RAPH1: variants seen among roughly 807,000 people sequenced by gnomAD.
RAPH1 encodes the protein ras-associated and pleckstrin homology domains-containing protein 1.
Under a neutral mutation model 88.1 loss-of-function variants are expected in RAPH1, and 18 were observed. That is an observed-to-expected ratio of 0.20 (90% CI 0.14 to 0.30). The LOEUF (loss-of-function observed/expected upper bound fraction) is 0.30, where lower values mean the gene tolerates loss of function less well. Ranked by LOEUF, RAPH1 falls within the 10% of genes least tolerant of loss-of-function variation. RAPH1 has a pLI of 1.00. For synonymous variants in RAPH1, 587 were observed against 559.0 expected (o/e 1.05, Z -0.71); for missense variants, 1,448 against 1,543.2 (o/e 0.94, Z 1.03).
At chr2:203,502,142 T>C (rs1688764861) in intron 1 of RAPH1, among the ~76,000 whole-genome samples, 1 of 152,206 alleles carries the variant, frequency 6.6e-6, no homozygotes, top group Non-Finnish European at 1.5e-5. Flanking sequence ...CTGAATTAAC[T>C]AGCTACCAGG....
chr2:203,477,046 G>C, intron 4 of RAPH1: 1 of 1,500,606 alleles, frequency 6.7e-7, no homozygotes, highest in Non-Finnish European at 9.3e-7. Context: ...TCTTCATTAA[G>C]TCATGCCATG....
In RAPH1 at chr2:203,439,412, T is replaced by G; in HGVS notation, c.*25A>C. On this transcript the variant is annotated 3_prime_UTR_variant, in exon 14 of 14. Transcript: ENST00000319170. Reference sequence around the variant, plus strand: ...CTGATTGTAGCAGTGATTACAGATATCATGAAAATAAAGTCCTATGGTGGC... The same window carrying G: ...CTGATTGTAGCAGTGATTACAGATAGCATGAAAATAAAGTCCTATGGTGGC... 6.2e-7 allele frequency: 1 copy of G among 1,601,216 alleles called. No individual in the cohort carries two copies. Among genetic ancestry groups the G allele is most frequent in the South Asian group, 1.1e-5 (1 of 90,328 alleles).
At position 203,440,907 on chromosome 2, in the gene RAPH1, TG is replaced by T; in HGVS notation, c.2282del (p.Pro761GlnfsTer23). On this transcript the variant is annotated frameshift_variant, in exon 14 of 14. Coordinates refer to ENST00000319170, the MANE Select transcript of RAPH1 (RefSeq NM_213589.3). LOFTEE classifies it low-confidence loss of function (END_TRUNC). Reference protein sequence around the residue: ...QVQHITQVAPPTPPPPPPIPA... With the variant: ...QVQHITQVAPXTPPPPPPIPA... ...GGATAGGAGGAGGTGGGGGGGGTGT[TG>T]GGGGAGCCACCTGAGTAATATGCTG... is the stretch of plus-strand genomic sequence containing the variant. The T allele has an allele frequency of 1.1e-5, 6 of 553,950 alleles. No homozygotes were observed. Among genetic ancestry groups the T allele is most frequent in the Non-Finnish European group, 1.5e-5 (6 of 387,362 alleles). The allele number at this position is 553,950 out of a possible 1,614,324, so 34.3% of individuals were successfully genotyped here.
At chr2:203,463,577 T>C (rs1403634542) in intron 4 of RAPH1, among the ~76,000 whole-genome samples, 4 of 152,154 alleles carry the variant, frequency 2.6e-5, no homozygotes, top group Admixed American at 1.3e-4. Context: ...ATCCCTTCCA[T>C]TGAAAGGAGC....
intron 1 of RAPH1, among the ~76,000 whole-genome samples, chr2:203,518,860 A>C (rs1255217976): frequency 6.6e-6 from 1 of 152,074 alleles, no homozygotes; most frequent in Admixed American, 6.5e-5. Context: ...AGAAAGAAAA[A>C]AAGGATACTA....
intron 1 of RAPH1, among the ~76,000 whole-genome samples, chr2:203,527,108 T>C (rs138464236): frequency 6.6e-6 from 1 of 152,152 alleles, no homozygotes; most frequent in Non-Finnish European, 1.5e-5. Context: ...TAAGACTGTA[T>C]AGTAGTTTCC....
intron 3 of RAPH1, 135 bp from the exon 4 acceptor site, chr2:203,490,224 G>A: frequency 1.1e-6 from 1 of 895,610 alleles, no homozygotes. Flanking sequence ...TCTGGTTTTT[G>A]TTTTAAATTC....
chr2:203,523,990 C>T (rs964669322), intron 1 of RAPH1, among the ~76,000 whole-genome samples: 2 of 151,856 alleles, frequency 1.3e-5, no homozygotes, highest in African/African-American at 2.4e-5. Context: ...GGCAACAGAG[C>T]GAGACTCTGT....
chr2:203,489,152 G>GA (rs149623019), intron 4 of RAPH1, among the ~76,000 whole-genome samples: 128 of 140,506 alleles, frequency 9.1e-4, no homozygotes, highest in Middle Eastern at 3.6e-3. Context: ...AAAAAAAGGA[G>GA]AAAAAAAAAA....
chr2:203,439,629 G>GCTC lies in RAPH1; in HGVS notation c.3560_3561insGAG (p.Arg1187_Met1188insSer). Reference sequence around the variant, plus strand: ...TGGCTGTTGGTTCTGCTCTGGACATGCGGGAGGAGAGTGAGCCGTGCCGAG... The same window carrying GCTC: ...TGGCTGTTGGTTCTGCTCTGGACATGCTCCGGGAGGAGAGTGAGCCGTGCCGAG... On this transcript the variant is annotated inframe_insertion, in exon 14 of 14. Transcript: ENST00000319170. 6.2e-7 allele frequency: 1 copy of GCTC among 1,614,158 alleles called. No individual in the cohort carries two copies. Among genetic ancestry groups the GCTC allele is most frequent in the East Asian group, 2.2e-5 (1 of 44,882 alleles).
chr2:203,514,353 GTTTT>G (rs747324394), intron 1 of RAPH1, among the ~76,000 whole-genome samples: 3 of 152,008 alleles, frequency 2.0e-5, no homozygotes, highest in Non-Finnish European at 4.4e-5. Flanking sequence ...TACTTTTAGG[GTTTT>G]TTTGTTTTTG....
At position 203,440,058 on chromosome 2, in the gene RAPH1, C is replaced by T. The variant is rs369056406; in HGVS notation, c.3132G>A (p.Gly1044=). The T allele has an allele frequency of 1.1e-5, 17 of 1,613,520 alleles. No homozygotes were observed. The highest frequency in any genetic ancestry group is 1.3e-5 in the African/African-American group (1 of 74,854). ...GAACAGGGGCTTTTGCTGACACACA[C>T]CCTTGTTGGAGAACTCCAGGAAGGT... The part of the protein sequence containing the change: ...GVNLPGVLQQ[G]CVSAKAPVLS... Residue 1044 remains glycine, a synonymous_variant, in exon 14 of 14, where the codon GGG becomes GGA. Coordinates refer to ENST00000319170, the MANE Select transcript of RAPH1 (RefSeq NM_213589.3).
intron 1 of RAPH1, among the ~76,000 whole-genome samples, chr2:203,512,926 C>T (rs1689419505): frequency 6.6e-6 from 1 of 151,994 alleles, no homozygotes. Flanking sequence ...GCCCGGCCAT[C>T]CCTTAACATT....
At chr2:203,450,121 G>A (rs2098513558) in intron 10 of RAPH1, among the ~76,000 whole-genome samples, 1 of 151,116 alleles carries the variant, frequency 6.6e-6, no homozygotes, top group South Asian at 2.1e-4. Flanking sequence ...GAAAATCCAT[G>A]AGCTCAATAA....
At chr2:203,490,292 G>C (rs1314860030) in intron 3 of RAPH1, among the ~76,000 whole-genome samples, 3 of 152,150 alleles carry the variant, frequency 2.0e-5, no homozygotes, top group Non-Finnish European at 4.4e-5. Context: ...AATAATCAGA[G>C]GAGAATAAAT....
Position 203,491,247 on chromosome 2 carries a change from A to G in RAPH1, c.193T>C (p.Phe65Leu), listed in dbSNP as rs1688252283. Residue 65 changes from phenylalanine to leucine, a missense_variant, in exon 3 of 14, where the codon TTT becomes CTT. Transcript: ENST00000319170. The part of the protein sequence containing the change: ...PLRQETNMAN[F>L]SYRFSIYNLN... Reference sequence around the variant, plus strand: ...TTGTATATGGAGAAGCGGTAAGAAAAGTTGGCCATGTTTGTTTCCTGGCGA... The same window carrying G: ...TTGTATATGGAGAAGCGGTAAGAAAGGTTGGCCATGTTTGTTTCCTGGCGA... 6.2e-7 allele frequency: 1 copy of G among 1,613,276 alleles called. No homozygotes were observed. Among genetic ancestry groups the G allele is most frequent in the Admixed American group, 1.7e-5 (1 of 60,002 alleles).
chr2:203,451,918 C>T (rs935099032), intron 10 of RAPH1, among the ~76,000 whole-genome samples: 1 of 152,202 alleles, frequency 6.6e-6, no homozygotes. Flanking sequence ...TGAGTAACTT[C>T]TGTGAAATAG....
At chr2:203,523,982 C>G (rs1005120525) in intron 1 of RAPH1, among the ~76,000 whole-genome samples, 4 of 151,846 alleles carry the variant, frequency 2.6e-5, no homozygotes, top group Non-Finnish European at 5.9e-5. Flanking sequence ...CCAGCCTGGG[C>G]AACAGAGCGA....
chr2:203,470,336 A>T, intron 4 of RAPH1: 1 of 1,559,396 alleles, frequency 6.4e-7, no homozygotes, highest in Non-Finnish European at 8.8e-7. Context: ...AGAGAAAAAC[A>T]AACAAAAAAA....
Sources: gnomAD v4.1 joint callset for allele counts (sites outside exome capture counted in the v4.1 genomes callset) on GRCh38, gnomAD v4.1.1 for gene constraint, MANE v1.5 for transcripts, NCBI Gene and HGNC (gene_info 2026-07-23, HGNC 2026-07-21) for gene names.